Variants in MGST1 observed in about 807,000 individuals in gnomAD.
MGST1 encodes glutathione S-transferase 12.
MGST1 carries 5 observed loss-of-function variants against 8.9 expected under a neutral mutation model. That is an observed-to-expected ratio of 0.56 (90% confidence interval 0.29 to 1.19). The LOEUF (loss-of-function observed/expected upper bound fraction) is 1.19, where lower values mean the gene tolerates loss of function less well. MGST1 is among the 50% of genes most tolerant of loss of function. MGST1 has a pLI of 0.08. For missense variants in MGST1, 182 were observed against 187.4 expected, an observed-to-expected ratio of 0.97 and a Z score of 0.17; for synonymous variants, 54 against 67.8, an observed-to-expected ratio of 0.80 and a Z score of 1.00.
intron 4 of MGST1, among the ~76,000 whole-genome samples, chr12:16,538,163 G>T (rs1235714840): frequency 6.6e-6 from 1 of 152,046 alleles, no homozygotes; most frequent in Non-Finnish European, 1.5e-5. Context: ...TAAAAGTTTT[G>T]CACATCTGTA....
intron 1 of MGST1, chr12:16,400,147 T>G (rs149340970): frequency 5.0e-6 from 7 of 1,390,240 alleles, no homozygotes; most frequent in Non-Finnish European, 6.1e-6. Context: ...ATAGAGGTCA[T>G]CTCGGTCATG....
chr12:16,536,205 T>C (rs1941756360), intron 4 of MGST1, among the ~76,000 whole-genome samples: 1 of 151,978 alleles, frequency 6.6e-6, no homozygotes, highest in African/African-American at 2.4e-5. Flanking sequence ...TGAGATATAA[T>C]TGAAAGAGTT....
At chr12:16,530,139 T>C (rs1037934154) in intron 4 of MGST1, among the ~76,000 whole-genome samples, 3 of 152,134 alleles carry the variant, frequency 2.0e-5, no homozygotes, top group Admixed American at 6.5e-5. Flanking sequence ...ATGATTTTAG[T>C]GGCAAAAAGA....
In MGST1 at chr12:16,537,917, G is replaced by A. The variant is rs1169577837; in HGVS notation, n.483-51611G>A. Among the ~76,000 whole-genome samples the A allele has an allele frequency of 6.6e-6, 1 of 152,142 alleles. No homozygotes were observed. The highest frequency in any genetic ancestry group is 1.9e-4 in the East Asian group (1 of 5,182). On this transcript the variant is annotated intron_variant and non_coding_transcript_variant, in intron 4 of 4. Transcript: ENST00000538857. This position sits in a 1 kb window ranked among gnomAD's most constrained non-coding sequence, Gnocchi z 4.6. ...CTAGGCACATTTTCCCCATTGTCTT[G>A]GAGATTAACATGTGGCTCCTTGTTA...
At chr12:16,508,054 T>G (rs1431152723) in intron 4 of MGST1, among the ~76,000 whole-genome samples, 2 of 152,098 alleles carry the variant, frequency 1.3e-5, no homozygotes, top group African/African-American at 4.8e-5. Flanking sequence ...TTTTCTGAGG[T>G]GAGGAAGAAG....
At chr12:16,549,144 C>A (rs931364140) in intron 4 of MGST1, 3 of 152,150 alleles carry the variant, frequency 2.0e-5, no homozygotes, top group African/African-American at 7.2e-5. Flanking sequence ...AGCAGGGCTG[C>A]ATTAAGAAAA....
intron 4 of MGST1, among the ~76,000 whole-genome samples, chr12:16,529,161 T>G (rs1349111926): frequency 6.6e-6 from 1 of 152,002 alleles, no homozygotes; most frequent in Non-Finnish European, 1.5e-5. Context: ...CCTTTCTTAG[T>G]TTTTCATTTT....
chr12:16,527,675 C>A (rs143283749), intron 4 of MGST1, among the ~76,000 whole-genome samples: 2,114 of 151,990 alleles, frequency 0.014, 47 homozygotes, highest in African/African-American at 0.048. Flanking sequence ...TATTAGGTTG[C>A]TAAGACTACC....
rs948148004 is a variant in MGST1 at position 16,580,425 on chromosome 12, G to A, written n.483-9103G>A. 7.9e-5 allele frequency among the ~76,000 whole-genome samples: 12 copies of A among 152,226 alleles called. No homozygotes were observed. The East Asian group carries it at 2.3e-3, about 29-fold the overall frequency. Reference sequence around the variant, plus strand: ...TCTATGGTCTCTTTAATAAGTGAATGTCATGAAAATGACAATGTTCAAGAT... The same window carrying A: ...TCTATGGTCTCTTTAATAAGTGAATATCATGAAAATGACAATGTTCAAGAT... On this transcript the variant is annotated intron_variant and non_coding_transcript_variant, in intron 4 of 4. Transcript: ENST00000538857.
At chr12:16,526,927 G>A (rs1162076911) in intron 4 of MGST1, among the ~76,000 whole-genome samples, 1 of 151,856 alleles carries the variant, frequency 6.6e-6, no homozygotes, top group Non-Finnish European at 1.5e-5. Flanking sequence ...CTCCTCCTGT[G>A]AACAAGAACT....
At chr12:16,511,919 T>G (rs1053187162) in intron 4 of MGST1, among the ~76,000 whole-genome samples, 3 of 152,194 alleles carry the variant, frequency 2.0e-5, no homozygotes, top group Non-Finnish European at 4.4e-5. Flanking sequence ...CCCTATGAAC[T>G]GCAGCCTTCA....
chr12:16,435,095 A>C (rs1940972767), intron 1 of MGST1, among the ~76,000 whole-genome samples: 1 of 152,066 alleles, frequency 6.6e-6, no homozygotes, highest in Non-Finnish European at 1.5e-5. Context: ...TTTGTTGAAC[A>C]ACTGCTATAT....
rs1292509226 is a variant in MGST1 at position 16,555,046 on chromosome 12, C to T, written n.483-34482C>T. On this transcript the variant is annotated intron_variant and non_coding_transcript_variant, in intron 4 of 4. Transcript: ENST00000538857. This position sits in a 1 kb window ranked among gnomAD's most constrained non-coding sequence, Gnocchi z 5.5. ...ATTTCCTATACTTTACTTTCCTCATCTGTCAAATGAAGCTAATAACTACCT... is the reference window on the plus strand; with the variant it reads ...ATTTCCTATACTTTACTTTCCTCATTTGTCAAATGAAGCTAATAACTACCT... Among the ~76,000 whole-genome samples the T allele has an allele frequency of 6.6e-6, 1 of 152,218 alleles. No individual in the cohort carries two copies. The highest frequency in any genetic ancestry group is 1.5e-5 in the Non-Finnish European group (1 of 68,048).
intron 1 of MGST1, among the ~76,000 whole-genome samples, chr12:16,436,284 C>T (rs964950420): frequency 3.3e-5 from 5 of 151,918 alleles, no homozygotes; most frequent in African/African-American, 1.2e-4. Flanking sequence ...ATAAAACAGA[C>T]AAGGCAGGCC....
chr12:16,543,771 T>C (rs1431939224), intron 4 of MGST1, among the ~76,000 whole-genome samples: 1 of 152,096 alleles, frequency 6.6e-6, no homozygotes, highest in African/African-American at 2.4e-5. Context: ...ATGTTCACAG[T>C]CTCAAACAGT....
At chr12:16,433,074 C>T (rs578206285) in intron 1 of MGST1, among the ~76,000 whole-genome samples, 5 of 152,106 alleles carry the variant, frequency 3.3e-5, no homozygotes, top group African/African-American at 7.2e-5. Context: ...CACATTAGGC[C>T]GTCTGCAAGC....
intron 4 of MGST1, chr12:16,549,905 GAA>G (rs938241843): frequency 2.6e-5 from 4 of 152,010 alleles, no homozygotes; most frequent in African/African-American, 9.7e-5. Flanking sequence ...TTAAAAAATG[GAA>G]AGACAAATTT....
chr12:16,368,739 C>T (rs1414635426), downstream of MGST1, among the ~76,000 whole-genome samples: 2 of 151,982 alleles, frequency 1.3e-5, no homozygotes, highest in African/African-American at 4.8e-5. Flanking sequence ...AAGCGCAGGC[C>T]CTAAGTCACA....
At chr12:16,365,288 C>T (rs1940165145), downstream of MGST1, among the ~76,000 whole-genome samples, 1 of 152,030 alleles carries the variant, frequency 6.6e-6, no homozygotes, top group South Asian at 2.1e-4. Flanking sequence ...GGAATGTGTA[C>T]TTAAGTCTTT....
Sources: allele counts gnomAD v4.1 joint callset (sites outside exome capture counted in the v4.1 genomes callset), GRCh38; gene constraint gnomAD v4.1.1; non-coding constraint Gnocchi (gnomAD v3.1); transcripts MANE v1.5; gene names NCBI Gene and HGNC (gene_info 2026-07-23, HGNC 2026-07-21).